Variants in ACOXL observed in about 807,000 individuals in gnomAD.
The protein encoded by ACOXL is acyl-coenzyme A oxidase-like protein.
ACOXL carries 70 observed loss-of-function variants against 71.9 expected under a neutral mutation model. The observed-to-expected ratio is 0.97, with a 90% confidence interval of 0.80 to 1.19. The LOEUF is 1.19. ACOXL is among the 50% of genes most tolerant of loss of function. ACOXL has a pLI of 0.00. For missense variants in ACOXL, 703 were observed against 736.3 expected (o/e 0.95, Z 0.52); for synonymous variants, 253 against 281.6 (o/e 0.90, Z 1.02).
In ACOXL at chr2:111,117,961, C is replaced by T. The variant is rs1179734031; in HGVS notation, c.*145C>T. The T allele has an allele frequency of 2.1e-6, 2 of 938,870 alleles. No individual in the cohort carries two copies. The highest frequency in any genetic ancestry group is 5.3e-5 in the East Asian group (2 of 37,576). 58.2% of individuals were successfully genotyped at this position (938,870 alleles called of 1,614,324 possible). A position where few individuals can be genotyped will look rare whatever the true frequency, so the allele number is the denominator to read the frequency against. ...TTTGGTGGCAAAGCGGAGGTCCCGC[C>T]GAGGCTGGCGAGGTGCGCGGCTGGC... On this transcript the variant is annotated 3_prime_UTR_variant, in exon 18 of 18. Coordinates refer to ENST00000439055, the MANE Select transcript of ACOXL (RefSeq NM_001142807.4).
chr2:111,116,974 G>T (rs1837367), intron 17 of ACOXL, among the ~76,000 whole-genome samples: 3 of 152,012 alleles, frequency 2.0e-5, no homozygotes, highest in Non-Finnish European at 4.4e-5. Context: ...CATCCGCGGC[G>T]TTCCTTGGCA....
intron 11 of ACOXL, among the ~76,000 whole-genome samples, chr2:110,909,913 A>G (rs999808869): frequency 6.6e-6 from 1 of 151,998 alleles, no homozygotes; most frequent in African/African-American, 2.4e-5. Context: ...AGATCCATCC[A>G]TGCCACCTGG....
chr2:110,890,907 T>G (rs1646007656), intron 10 of ACOXL, among the ~76,000 whole-genome samples: 1 of 152,204 alleles, frequency 6.6e-6, no homozygotes, highest in Admixed American at 6.5e-5. Flanking sequence ...TGGGAAGTAT[T>G]GCCATTTTCA....
intron 16 of ACOXL, among the ~76,000 whole-genome samples, chr2:111,055,998 T>C (rs1223925923): frequency 2.0e-5 from 3 of 152,206 alleles, no homozygotes; most frequent in Admixed American, 1.3e-4. Flanking sequence ...AAATGTTTAC[T>C]GAGTCCCTAT....
intron 17 of ACOXL, among the ~76,000 whole-genome samples, chr2:111,112,548 A>C (rs182649611): frequency 6.6e-6 from 1 of 152,350 alleles, no homozygotes; most frequent in Admixed American, 6.5e-5. Context: ...GTCTAAAGGG[A>C]AAGCAATTCT....
intron 16 of ACOXL, among the ~76,000 whole-genome samples, chr2:111,083,757 C>T (rs2068055173): frequency 6.6e-6 from 1 of 152,050 alleles, no homozygotes; most frequent in Non-Finnish European, 1.5e-5. Context: ...TCCCAAGAGC[C>T]AGGAAAGGGC....
At chr2:111,100,274 T>C (rs1423548558) in intron 17 of ACOXL, 1 of 152,630 alleles carries the variant, frequency 6.6e-6, no homozygotes, top group Non-Finnish European at 1.5e-5. Context: ...TTCTATTTCC[T>C]GCCATGAGCT....
At chr2:110,886,702 A>G (rs1283996147) in intron 10 of ACOXL, 7 of 1,534,132 alleles carry the variant, frequency 4.6e-6, no homozygotes, top group South Asian at 2.4e-5. Flanking sequence ...CTGAATGCCA[A>G]GTTTCACCCT....
intron 12 of ACOXL, among the ~76,000 whole-genome samples, chr2:110,966,506 A>G (rs1017960565): frequency 1.3e-5 from 2 of 152,206 alleles, no homozygotes; most frequent in Non-Finnish European, 2.9e-5. Flanking sequence ...AGATGACAAG[A>G]AACTGGATCA....
At chr2:110,829,376 T>G (rs1425937387) in intron 9 of ACOXL, among the ~76,000 whole-genome samples, 1 of 152,174 alleles carries the variant, frequency 6.6e-6, no homozygotes, top group Middle Eastern at 3.2e-3. Flanking sequence ...TGGGGCATGC[T>G]GATCTTCCCT....
chr2:110,738,353 CA>C (rs1355736704), intron 1 of ACOXL, among the ~76,000 whole-genome samples: 1 of 152,188 alleles, frequency 6.6e-6, no homozygotes, highest in Non-Finnish European at 1.5e-5. Flanking sequence ...CATAGATAAC[CA>C]AAACAGTCTC....
At chr2:111,083,104 G>A (rs2068012849) in intron 16 of ACOXL, among the ~76,000 whole-genome samples, 1 of 152,048 alleles carries the variant, frequency 6.6e-6, no homozygotes, top group African/African-American at 2.4e-5. Flanking sequence ...GATGGGTTCA[G>A]CAAACCACCA....
intron 11 of ACOXL, among the ~76,000 whole-genome samples, chr2:110,929,448 A>G (rs946606256): frequency 1.3e-5 from 2 of 152,244 alleles, no homozygotes; most frequent in African/African-American, 4.8e-5. Context: ...TGTTAAAAAC[A>G]TTCTATTTTA....
intron 12 of ACOXL, among the ~76,000 whole-genome samples, chr2:110,940,431 C>T (rs536856547): frequency 6.6e-6 from 1 of 152,326 alleles, no homozygotes; most frequent in Non-Finnish European, 1.5e-5. Flanking sequence ...TTAGTTTTCA[C>T]TGGAATGTTA....
rs941665610 is a variant in ACOXL at position 110,756,846 on chromosome 2, C to T, written c.-22-11522C>T. ...ATTTGAGTTACTTAAGGCCTTATCA[C>T]ACATCTTTTTAAAAAAAATTTTACG... is the stretch of plus-strand genomic sequence containing the variant. On this transcript the variant is annotated intron_variant, in intron 1 of 17. Transcript: ENST00000439055. Among the ~76,000 whole-genome samples the T allele has an allele frequency of 2.6e-5, 4 of 152,126 alleles. No homozygotes were observed. The South Asian group carries it at 6.2e-4, about 24-fold the overall frequency.
intron 16 of ACOXL, among the ~76,000 whole-genome samples, chr2:111,071,511 A>T (rs926654276): frequency 6.6e-6 from 1 of 152,230 alleles, no homozygotes; most frequent in Non-Finnish European, 1.5e-5. Flanking sequence ...AGATTGTGCC[A>T]CTGCCCATCA....
rs767608355 is a variant in ACOXL at position 110,794,177 on chromosome 2, GA to G, written c.345+4del. ...CCACCTTTGACCTCTCTGCCCAGGT[GA>G]GGAATCCATCCTTCTCCTGCCGTGC... On this transcript the variant is annotated splice_donor_region_variant and intron_variant, in intron 5 of 17. Transcript: ENST00000439055. The G allele has an allele frequency of 1.9e-6, 3 of 1,613,974 alleles. No homozygotes were observed. The South Asian group carries it at 3.3e-5, about 18-fold the overall frequency.
intron 9 of ACOXL, among the ~76,000 whole-genome samples, chr2:110,835,670 G>T (rs1346086748): frequency 6.6e-6 from 1 of 152,192 alleles, no homozygotes; most frequent in Non-Finnish European, 1.5e-5. Flanking sequence ...AATGTGAAAG[G>T]CTTCACTTTG....
chr2:110,869,991 G>GGA (rs1399373110), intron 10 of ACOXL, among the ~76,000 whole-genome samples: 1 of 152,268 alleles, frequency 6.6e-6, no homozygotes, highest in African/African-American at 2.4e-5. Flanking sequence ...GAGCATGTGG[G>GGA]TCTCACAGAG....
Sources: gnomAD v4.1 joint callset for allele counts (sites outside exome capture counted in the v4.1 genomes callset) on GRCh38, gnomAD v4.1.1 for gene constraint, MANE v1.5 for transcripts, NCBI Gene and HGNC (gene_info 2026-07-23, HGNC 2026-07-21) for gene names.